Variants in SCN10A observed in about 807,000 individuals in gnomAD.
The protein encoded by SCN10A is sodium channel protein type 10 subunit alpha.
A neutral mutation model predicts 170.7 loss-of-function variants in SCN10A; 162 were observed. That is an observed-to-expected ratio of 0.95 (90% confidence interval 0.84 to 1.08). The LOEUF (loss-of-function observed/expected upper bound fraction) is 1.08. Among genes scored for constraint, SCN10A ranks in the 50% least tolerant of loss-of-function variants. The pLI, the probability that SCN10A is intolerant of heterozygous loss-of-function variation, is 0.00. For synonymous variants in SCN10A, 985 were observed against 904.6 expected (o/e 1.09, Z -1.59); for missense variants, 2,527 against 2,436.9 (o/e 1.04, Z -0.78).
chr3:38,789,349 T>G (rs2064249868), intron 3 of SCN10A, among the ~76,000 whole-genome samples: 1 of 152,120 alleles, frequency 6.6e-6, no homozygotes, highest in African/African-American at 2.4e-5. Flanking sequence ...GCTGCAGAGA[T>G]GTGAACTCTT....
chr3:38,814,893 A>C (rs1052506875), intron 1 of SCN10A, among the ~76,000 whole-genome samples: 3 of 152,258 alleles, frequency 2.0e-5, no homozygotes, highest in Admixed American at 6.5e-5. Flanking sequence ...ACATGTGGCT[A>C]GAAAGCCCAA....
chr3:38,701,067 A>G (rs752973981), intron 27 of SCN10A, among the ~76,000 whole-genome samples: 1 of 152,232 alleles, frequency 6.6e-6, no homozygotes, highest in Non-Finnish European at 1.5e-5. Flanking sequence ...TTAAATGTAT[A>G]AAATAAGGAT....
intron 17 of SCN10A, 98 bp from the exon 18 acceptor site, chr3:38,725,412 A>C (rs1280963550): frequency 4.1e-6 from 5 of 1,209,860 alleles, no homozygotes; most frequent in Non-Finnish European, 5.6e-6. Context: ...GCCAGAGCCA[A>C]GAGTTTCATA....
At chr3:38,756,948 G>T in intron 9 of SCN10A, 70 bp downstream of exon 9, 1 of 1,606,542 alleles carries the variant, frequency 6.2e-7, no homozygotes, top group Non-Finnish European at 8.5e-7. Flanking sequence ...CCTCCTCCAG[G>T]AAAAGCACAG....
chr3:38,735,708 A>G (rs2063553603), intron 15 of SCN10A, among the ~76,000 whole-genome samples: 1 of 152,272 alleles, frequency 6.6e-6, no homozygotes, highest in African/African-American at 2.4e-5. Context: ...GTGCCAGGAT[A>G]GACCAATGGA....
intron 5 of SCN10A, among the ~76,000 whole-genome samples, chr3:38,766,402 A>G (rs1209122134): frequency 2.0e-5 from 3 of 152,112 alleles, no homozygotes; most frequent in Non-Finnish European, 4.4e-5. Context: ...ACCTTGGAGT[A>G]TGTCCCTTCT....
intron 1 of SCN10A, among the ~76,000 whole-genome samples, chr3:38,812,307 C>A (rs1007347346): frequency 1.3e-5 from 2 of 152,170 alleles, no homozygotes; most frequent in Non-Finnish European, 2.9e-5. Flanking sequence ...TGCAGAGAAG[C>A]CACTAAAGCC....
At chr3:38,752,841 C>T (rs142607973) in intron 11 of SCN10A, among the ~76,000 whole-genome samples, 2 of 152,320 alleles carry the variant, frequency 1.3e-5, no homozygotes, top group East Asian at 3.9e-4. Flanking sequence ...CCTTTGGCCA[C>T]AGGGCTAGAC....
At chr3:38,744,323 T>A (rs914387904) in intron 13 of SCN10A, among the ~76,000 whole-genome samples, 2 of 152,136 alleles carry the variant, frequency 1.3e-5, no homozygotes, top group African/African-American at 2.4e-5. Flanking sequence ...TTAGGGTTTT[T>A]TTTACTATAT....
In SCN10A at chr3:38,723,454, C is replaced by G. The variant is rs201871493; in HGVS notation, c.3328G>C (p.Glu1110Gln). ...CCTTCTGTGAAGCAGTCATCTGGTT[C>G]TTCCAGGTCATCTGCCAGCTCAGGG... ...KIPELADDLE[E>Q]PDDCFTEGCI... Residue 1110 changes from glutamate (E) to glutamine (Q), a missense_variant, in exon 19 of 28, where the codon GAA becomes CAA. Coordinates refer to ENST00000449082, the MANE Select transcript of SCN10A (RefSeq NM_006514.4). 5.6e-6 allele frequency: 9 copies of G among 1,614,206 alleles called. No homozygotes were observed. Among genetic ancestry groups the G allele is most frequent in the Middle Eastern group, 1.6e-4 (1 of 6,062 alleles).
At chr3:38,792,315 T>C (rs142731973) in intron 2 of SCN10A, 147 bp from the exon 3 acceptor site, 30 of 997,960 alleles carry the variant, frequency 3.0e-5, no homozygotes, top group African/African-American at 1.9e-4. Context: ...CAAATGCAGG[T>C]ACAGAGAGGC....
At chr3:38,792,999 C>T (rs2064303263) in intron 2 of SCN10A, among the ~76,000 whole-genome samples, 1 of 151,508 alleles carries the variant, frequency 6.6e-6, no homozygotes, top group Non-Finnish European at 1.5e-5. Flanking sequence ...ACATAACTAG[C>T]TACATGGTCT....
At chr3:38,768,312 TTG>T (rs1443386179) in intron 5 of SCN10A, among the ~76,000 whole-genome samples, 1 of 152,142 alleles carries the variant, frequency 6.6e-6, no homozygotes, top group Non-Finnish European at 1.5e-5. Flanking sequence ...CCTTTTTTTA[TTG>T]TGTTATTGTT....
chr3:38,724,579 C>G (rs980989430), intron 18 of SCN10A, among the ~76,000 whole-genome samples: 114 of 152,158 alleles, frequency 7.5e-4, no homozygotes, highest in African/African-American at 2.7e-3. Context: ...CTCTCCCTAG[C>G]CCCAGGCTAC....
intron 14 of SCN10A, among the ~76,000 whole-genome samples, chr3:38,741,280 G>T (rs913183071): frequency 7.2e-6 from 1 of 138,990 alleles, no homozygotes; most frequent in Non-Finnish European, 1.5e-5. Context: ...TCATGTGTGC[G>T]TGTGTTTGAA....
intron 13 of SCN10A, among the ~76,000 whole-genome samples, chr3:38,744,660 C>T (rs1006647322): frequency 5.3e-5 from 8 of 151,952 alleles, no homozygotes; most frequent in Non-Finnish European, 1.0e-4. Flanking sequence ...TCACTTTTTT[C>T]ACTTAAAACT....
chr3:38,765,816 T>G (rs1466352058), intron 5 of SCN10A, among the ~76,000 whole-genome samples: 1 of 152,136 alleles, frequency 6.6e-6, no homozygotes, highest in South Asian at 2.1e-4. Flanking sequence ...GGCAGTAAGG[T>G]CATTTTCACA....
rs751574392 is a variant in SCN10A, at chr3:38,725,236, C to T, written c.3166G>A (p.Asp1056Asn). ...RSPGTGTSSE[D>N]LAPSLGETWK... is the part of the protein sequence containing the mutation. ...GTCTCACCCAGGGATGGAGCCAGGT[C>T]CTCAGAAGATGTTCCAGTGCCTGGG... The change falls in exon 18 of 28, where the codon GAC becomes AAC. Residue 1056 changes from aspartate (D) to asparagine (N), a missense_variant. Coordinates refer to ENST00000449082, the MANE Select transcript of SCN10A (RefSeq NM_006514.4). 1 of 1,607,022 alleles carries T rather than the reference C, an allele frequency of 6.2e-7. No homozygotes were observed. Among genetic ancestry groups the T allele is most frequent in the Non-Finnish European group, 8.5e-7 (1 of 1,174,882 alleles).
chr3:38,709,121 G>A (rs866262318), intron 25 of SCN10A, among the ~76,000 whole-genome samples: 3 of 152,140 alleles, frequency 2.0e-5, no homozygotes, highest in African/African-American at 7.2e-5. Flanking sequence ...CCCTGACTCA[G>A]TCCTTTGTGG....
Sources: gnomAD v4.1 joint callset for allele counts (sites outside exome capture counted in the v4.1 genomes callset) on GRCh38, gnomAD v4.1.1 for gene constraint, MANE v1.5 for transcripts, NCBI Gene and HGNC (gene_info 2026-07-23, HGNC 2026-07-21) for gene names.